The following MOGAT2 variants were observed in gnomAD, a reference collection of about 807,000 sequenced individuals.
MOGAT2 encodes the protein monoacylglycerol O-acyltransferase 2, also known as 2-acylglycerol O-acyltransferase 2.
In MOGAT2, 27 loss-of-function variants were observed where a neutral mutation model predicts 31.5. The ratio of observed to expected loss-of-function variants is 0.86; its 90% CI spans 0.63 to 1.18. The LOEUF (loss-of-function observed/expected upper bound fraction) is 1.18. Ranked by LOEUF, MOGAT2 falls within the 50% of genes most tolerant of loss-of-function variation. MOGAT2 has a pLI of 0.00. For missense variants in MOGAT2, 436 were observed against 433.2 expected (o/e 1.01, Z -0.06); for synonymous variants, 163 against 170.0 (o/e 0.96, Z 0.32).
chr11:75,723,031 G>A (rs1235806271), intron 2 of MOGAT2, among the ~76,000 whole-genome samples: 1 of 151,964 alleles, frequency 6.6e-6, no homozygotes, highest in South Asian at 2.1e-4. Flanking sequence ...GCGTGATCTC[G>A]GCTCACTGCA....
chr11:75,728,666 G>A (rs554884386), intron 4 of MOGAT2, 124 bp from the exon 5 acceptor site: 1 of 794,606 alleles, frequency 1.3e-6, no homozygotes, highest in East Asian at 2.6e-5. Flanking sequence ...TCCACCTCCA[G>A]CCCAGGTGGC....
At position 75,729,101 on chromosome 11, in the gene MOGAT2, A is replaced by G. The variant is rs907968453; in HGVS notation, c.850+112A>G. On this transcript the variant is annotated intron_variant, in intron 5 of 5. Transcript: ENST00000198801. ...TTATTCCTGCCCTAATGGGGCTCACATTCTAGACTGGGAAACATACACACA... is the reference window on the plus strand; with the variant it reads ...TTATTCCTGCCCTAATGGGGCTCACGTTCTAGACTGGGAAACATACACACA... 3.1e-6 allele frequency: 3 copies of G among 977,726 alleles called. No individual in the cohort carries two copies. In the African/African-American group the frequency reaches 4.8e-5, roughly 16 times the overall value. 60.6% of individuals were successfully genotyped at this position (977,726 alleles called of 1,614,324 possible). A position where few individuals can be genotyped will look rare whatever the true frequency, so the allele number is the denominator to read the frequency against.
chr11:75,732,669 A>G lies in MOGAT2; in HGVS notation c.*1383A>G, dbSNP rs1944493851. On this transcript the variant is annotated 3_prime_UTR_variant, in exon 6 of 6. Coordinates refer to ENST00000198801, the MANE Select transcript of MOGAT2 (RefSeq NM_025098.4). ...ATGATGTTGGATGCCATGGAATGCCATATCCTCCCCATTATCTCCCCCTTG... is the reference window on the plus strand; with the variant it reads ...ATGATGTTGGATGCCATGGAATGCCGTATCCTCCCCATTATCTCCCCCTTG... The G allele has an allele frequency of 1.3e-5, 2 of 152,276 alleles. No homozygotes were observed. The highest frequency in any genetic ancestry group is 2.4e-5 in the African/African-American group (1 of 41,430). The allele number at this position is 152,276 out of a possible 1,614,324, so 9.4% of individuals were successfully genotyped here.
In MOGAT2 at chr11:75,727,532, C is replaced by G. The variant is rs376739074; in HGVS notation, c.368C>G (p.Thr123Ser). The stretch of plus-strand genomic sequence containing the variant: ...GTCGGAGCCTTTGCCAACCTGTGCA[C>G]TGAGAGCACAGGCTTCTCTTCGATC... The part of the protein sequence containing the change: ...LAVGAFANLC[T>S]ESTGFSSIFP... The change falls in exon 3 of 6, where the codon ACT (threonine) becomes AGT (serine). Residue 123 changes from threonine (T) to serine (S), a missense_variant. Coordinates refer to ENST00000198801, the MANE Select transcript of MOGAT2 (RefSeq NM_025098.4). The G allele has an allele frequency of 5.0e-6, 8 of 1,614,196 alleles. No homozygotes were observed. Among genetic ancestry groups the G allele is most frequent in the East Asian group, 4.5e-5 (2 of 44,878 alleles).
Position 75,731,378 on chromosome 11 carries a change from G to A in MOGAT2, c.*92G>A, listed in dbSNP as rs1944478260. 2 of 1,448,460 alleles carry A rather than the reference G, an allele frequency of 1.4e-6. No individual in the cohort carries two copies. The highest frequency in any genetic ancestry group is 2.1e-5 in the Admixed American group (1 of 48,562). The allele number at this position is 1,448,460 out of a possible 1,614,324, so 89.7% of individuals were successfully genotyped here. On this transcript the variant is annotated 3_prime_UTR_variant, in exon 6 of 6. Coordinates refer to ENST00000198801, the MANE Select transcript of MOGAT2 (RefSeq NM_025098.4). ...GGTGTTTGTTGAACATATCTGCAGA[G>A]CCTTCCCAGACTCCTGCAAATCCAA...
intron 5 of MOGAT2, among the ~76,000 whole-genome samples, chr11:75,729,954 A>C (rs577991518): frequency 6.6e-6 from 1 of 151,918 alleles, no homozygotes; most frequent in Non-Finnish European, 1.5e-5. Flanking sequence ...CATGTTGGCC[A>C]GGCTGGTCTC....
At chr11:75,728,760 A>C in intron 4 of MOGAT2, 30 bp from the exon 5 acceptor site, 2 of 1,599,378 alleles carry the variant, frequency 1.3e-6, no homozygotes, top group Non-Finnish European at 1.7e-6. Flanking sequence ...GGGGCCTCCC[A>C]CATGCCCTCT....
At chr11:75,718,135 C>T (rs1017197908) in intron 1 of MOGAT2, among the ~76,000 whole-genome samples, 156 bp downstream of exon 1, 3 of 152,186 alleles carry the variant, frequency 2.0e-5, no homozygotes, top group African/African-American at 7.2e-5. Flanking sequence ...AACTCCTGGG[C>T]CTGCCCAGAG....
intron 1 of MOGAT2, among the ~76,000 whole-genome samples, chr11:75,718,491 G>C (rs909181955): frequency 4.6e-5 from 7 of 152,194 alleles, no homozygotes; most frequent in Admixed American, 4.6e-4. Context: ...CCCGGAGTCA[G>C]ACTCAGCTGG....
rs1019505531 is a variant in MOGAT2 at position 75,728,145 on chromosome 11, G to T, written c.650+1G>T. On this transcript the variant is annotated splice_donor_variant, in intron 4 of 5. Coordinates refer to ENST00000198801, the MANE Select transcript of MOGAT2 (RefSeq NM_025098.4). LOFTEE classifies it high-confidence loss of function. ...TCGTCAGGCTCGCCCTGACACACGG[G>T]TATCAAGCCTCTGGGAAGAGCACTC... is the stretch of plus-strand genomic sequence containing the variant. 5 of 1,612,254 alleles carry T rather than the reference G, an allele frequency of 3.1e-6. No individual in the cohort carries two copies. Among genetic ancestry groups the T allele is most frequent in the Non-Finnish European group, 4.2e-6 (5 of 1,179,238 alleles).
At chr11:75,719,553 A>G in intron 1 of MOGAT2, 1 of 157,818 alleles carries the variant, frequency 6.3e-6, no homozygotes, top group African/African-American at 2.4e-5. Context: ...AATGGGGCAG[A>G]GGATGAACAG....
At chr11:75,729,540 G>A (rs1944455113) in intron 5 of MOGAT2, among the ~76,000 whole-genome samples, 1 of 151,920 alleles carries the variant, frequency 6.6e-6, no homozygotes, top group African/African-American at 2.4e-5. Context: ...CTCCCAAAGT[G>A]CTGGAATTAC....
Position 75,728,895 on chromosome 11 carries a change from G to T in MOGAT2, c.756G>T (p.Lys252Asn), listed in dbSNP as rs1311123983. 2 of 1,614,212 alleles carry T rather than the reference G, an allele frequency of 1.2e-6. No individual in the cohort carries two copies. The highest frequency in any genetic ancestry group is 1.7e-6 in the Non-Finnish European group (2 of 1,180,040). The change falls in exon 5 of 6, where the codon AAG (lysine) becomes AAT (asparagine). Residue 252 changes from lysine (K) to asparagine (N), a missense_variant. Physicochemically the swap from Lys to Asn is moderately conservative, Grantham distance 94. Transcript: ENST00000198801. ...GCTATATCCAGAATCGGTTGCAGAA[G>T]ATCATGGGCATCTCCCTCCCACTCT... is the stretch of plus-strand genomic sequence containing the variant. ...WLRYIQNRLQ[K>N]IMGISLPLFH...
At chr11:75,729,286 AT>A (rs894146894) in intron 5 of MOGAT2, among the ~76,000 whole-genome samples, 4 of 151,734 alleles carry the variant, frequency 2.6e-5, no homozygotes, top group Non-Finnish European at 4.4e-5. Flanking sequence ...TCATGGCAGG[AT>A]TTTTTTTTAA....
Position 75,728,057 on chromosome 11 carries a change from C to T in MOGAT2, c.563C>T (p.Ala188Val). The change falls in exon 4 of 6, where the codon GCC becomes GTC. Residue 188 changes from alanine to valine, a missense_variant. Ala to Val is a moderately conservative substitution (Grantham distance 64). Coordinates refer to ENST00000198801, the MANE Select transcript of MOGAT2 (RefSeq NM_025098.4). ...GNLLGIIVGG[A>V]QEALDARPGS... ...TTGCTGGGCATCATTGTAGGGGGTGCCCAGGAGGCCCTGGATGCCAGGCCT... is the reference window on the plus strand; with the variant it reads ...TTGCTGGGCATCATTGTAGGGGGTGTCCAGGAGGCCCTGGATGCCAGGCCT... The T allele has an allele frequency of 2.5e-6, 4 of 1,614,120 alleles. No individual in the cohort carries two copies. The highest frequency in any genetic ancestry group is 3.4e-6 in the Non-Finnish European group (4 of 1,180,000).
intron 2 of MOGAT2, among the ~76,000 whole-genome samples, chr11:75,726,512 C>A (rs1011036108): frequency 6.6e-6 from 1 of 152,098 alleles, no homozygotes; most frequent in Non-Finnish European, 1.5e-5. Flanking sequence ...TATACAGTAA[C>A]CCATCTCTAG....
At chr11:75,731,085 G>A (rs536871638) in intron 5 of MOGAT2, 47 bp from the exon 6 acceptor site, 1 of 1,578,066 alleles carries the variant, frequency 6.3e-7, no homozygotes, top group African/African-American at 1.4e-5. Context: ...CCTGCACCGA[G>A]GGTCCCTTGC....
At chr11:75,722,382 G>C (rs1331667807) in intron 2 of MOGAT2, among the ~76,000 whole-genome samples, 1 of 152,176 alleles carries the variant, frequency 6.6e-6, no homozygotes, top group African/African-American at 2.4e-5. Flanking sequence ...GTGACATCAG[G>C]GACCAAGCCA....
intron 2 of MOGAT2, among the ~76,000 whole-genome samples, chr11:75,726,924 A>G (rs567889901): frequency 6.6e-6 from 1 of 152,228 alleles, no homozygotes; most frequent in South Asian, 2.1e-4. Flanking sequence ...TCCTGACCTC[A>G]GGTCACCCAC....
Sources: allele counts gnomAD v4.1 joint callset (sites outside exome capture counted in the v4.1 genomes callset), GRCh38; gene constraint gnomAD v4.1.1; transcripts MANE v1.5; gene names NCBI Gene and HGNC (gene_info 2026-07-23, HGNC 2026-07-21).